SGCD: variants seen among roughly 807,000 people sequenced by gnomAD.
SGCD encodes the protein sarcoglycan delta, also known as delta-sarcoglycan.
In SGCD, 18 loss-of-function variants were observed where a neutral mutation model predicts 36.6. The ratio of observed to expected loss-of-function variants is 0.49; its 90% CI spans 0.34 to 0.73. SGCD has a LOEUF of 0.73. SGCD is among the 30% of genes least tolerant of loss of function. The probability of loss-of-function intolerance (pLI) is 0.01; values close to 1 mark genes in which losing one functional copy is unlikely to be tolerated. For synonymous variants in SGCD, 133 were observed against 130.6 expected (o/e 1.02, Z -0.12); for missense variants, 387 against 346.7 (o/e 1.12, Z -0.92).
chr5:156,602,865 G>A (rs2113419901), intron 6 of SGCD, among the ~76,000 whole-genome samples: 1 of 152,148 alleles, frequency 6.6e-6, no homozygotes, highest in South Asian at 2.1e-4. Context: ...GAGAAATTTT[G>A]TATCTATGTT....
chr5:156,260,319 G>A (rs1765826094), intron 3 of SGCD, among the ~76,000 whole-genome samples: 2 of 152,230 alleles, frequency 1.3e-5, no homozygotes, highest in Middle Eastern at 3.4e-3. Context: ...TTGCACCAAA[G>A]CTATATATCA....
At chr5:155,790,974 G>A in the SGCD span, among the ~76,000 whole-genome samples, 1 of 152,042 alleles carries the variant, frequency 6.6e-6, no homozygotes, top group African/African-American at 2.4e-5. Context: ...ATAGAATAAG[G>A]GTTCTGAATA....
chr5:155,976,366 CA>C (rs757156511), intron 1 of SGCD, among the ~76,000 whole-genome samples: 2 of 152,136 alleles, frequency 1.3e-5, no homozygotes, highest in South Asian at 4.1e-4. Flanking sequence ...AGACACAAAA[CA>C]AAAAACTAGA....
chr5:155,949,849 G>C (rs1239545420), intron 1 of SGCD, among the ~76,000 whole-genome samples: 1 of 152,160 alleles, frequency 6.6e-6, no homozygotes, highest in African/African-American at 2.4e-5. Context: ...ATTACTGATA[G>C]ATCATAACCC....
At chr5:156,577,921 T>C (rs1396815451) in intron 4 of SGCD, among the ~76,000 whole-genome samples, 1 of 152,204 alleles carries the variant, frequency 6.6e-6, no homozygotes, top group Non-Finnish European at 1.5e-5. Flanking sequence ...TTTCTCTTCC[T>C]GATTGCCCTG....
chr5:156,696,946 AC>A (rs1443110051), intron 7 of SGCD, among the ~76,000 whole-genome samples: 3 of 150,834 alleles, frequency 2.0e-5, no homozygotes, highest in Admixed American at 6.6e-5. Context: ...ACACACACAC[AC>A]ACACACACAC....
chr5:156,523,539 C>T (rs1757499961), intron 4 of SGCD, among the ~76,000 whole-genome samples: 1 of 152,118 alleles, frequency 6.6e-6, no homozygotes, highest in Admixed American at 6.5e-5. Flanking sequence ...CAAACTGAAT[C>T]CAGGTCACAG....
intron 1 of SGCD, among the ~76,000 whole-genome samples, chr5:155,919,055 C>T (rs571561530): frequency 2.6e-5 from 4 of 152,294 alleles, no homozygotes; most frequent in Admixed American, 1.3e-4. Context: ...TTTTAGTTGA[C>T]TCTTATAAAA....
At chr5:156,417,099 A>G (rs944571857) in intron 3 of SGCD, among the ~76,000 whole-genome samples, 2 of 152,208 alleles carry the variant, frequency 1.3e-5, no homozygotes, top group Non-Finnish European at 2.9e-5. Context: ...ATCTCATTTT[A>G]GAGAAAAAAA....
At chr5:155,980,523 G>A (rs1758204882) in intron 1 of SGCD, among the ~76,000 whole-genome samples, 1 of 139,536 alleles carries the variant, frequency 7.2e-6, no homozygotes, top group Admixed American at 7.8e-5. Context: ...GAGAGGCAGA[G>A]CTTGCAGTGA....
chr5:155,746,510 C>T, the SGCD span, among the ~76,000 whole-genome samples: 1 of 152,098 alleles, frequency 6.6e-6, no homozygotes, highest in Non-Finnish European at 1.5e-5. Flanking sequence ...GCAGGCTGCT[C>T]AAAAGAGAAT....
chr5:156,242,813 A>T (rs1339629668), intron 3 of SGCD, among the ~76,000 whole-genome samples: 2 of 152,304 alleles, frequency 1.3e-5, no homozygotes, highest in East Asian at 3.9e-4. Flanking sequence ...GCCTGAGATG[A>T]TGAGAAAGAA....
chr5:156,121,311 G>A lies in SGCD; in HGVS notation c.-207-2545G>A, dbSNP rs138816617. On this transcript the variant is annotated intron_variant, in intron 2 of 9. Coordinates refer to the SGCD transcript ENST00000517913. ...GTACAGTAATGAATGATTTACCTAT[G>A]ACTTCATTTCTTTTGCATAAACATC... 1.9e-3 allele frequency among the ~76,000 whole-genome samples: 289 copies of A among 152,236 alleles called. 1 individual carries two copies. Among genetic ancestry groups the A allele is most frequent in the African/African-American group, 6.6e-3 (273 of 41,554 alleles).
chr5:155,839,181 A>G, the SGCD span, among the ~76,000 whole-genome samples: 2 of 152,216 alleles, frequency 1.3e-5, no homozygotes, highest in Non-Finnish European at 2.9e-5. Flanking sequence ...TTATGCATAC[A>G]TTTCTGGCTG....
At chr5:155,860,164 C>T in the SGCD span, among the ~76,000 whole-genome samples, 1 of 152,226 alleles carries the variant, frequency 6.6e-6, no homozygotes, top group South Asian at 2.1e-4. Flanking sequence ...TGTTTTTCTT[C>T]TCCCTTCTAC....
chr5:156,656,019 G>A (rs1330689027), intron 7 of SGCD, among the ~76,000 whole-genome samples: 2 of 152,072 alleles, frequency 1.3e-5, no homozygotes, highest in Non-Finnish European at 2.9e-5. Context: ...TACGAGAATA[G>A]GAAGTAGACG....
At chr5:155,794,076 A>G in the SGCD span, among the ~76,000 whole-genome samples, 1 of 152,190 alleles carries the variant, frequency 6.6e-6, no homozygotes, top group African/African-American at 2.4e-5. Context: ...AGCATGGTGA[A>G]GAGAGTAGAT....
At position 156,445,786 on chromosome 5, in the gene SGCD, C is replaced by T. The variant is rs202169382; in HGVS notation, c.193-62815C>T. ...AAGCAATTGTGATGCATAGTGATAA[C>T]CCCAAAATATCACACACACACACAC... On this transcript the variant is annotated intron_variant, in intron 3 of 8. Transcript: ENST00000337851. Among the ~76,000 whole-genome samples the T allele has an allele frequency of 2.6e-5, 4 of 152,096 alleles. No individual in the cohort carries two copies. In the East Asian group the frequency reaches 7.7e-4, roughly 29 times the overall value.
rs547269651 is a variant in SGCD, at chr5:156,713,842, C to T, written c.576-43739C>T. Among the ~76,000 whole-genome samples, 11 of 152,298 alleles carry T rather than the reference C, an allele frequency of 7.2e-5. No individual in the cohort carries two copies. The South Asian group carries it at 1.9e-3, about 26-fold the overall frequency. ...ATTTTCCCAACTAAACAAGGAGTTA[C>T]GTATTACACAGTGGCCTTGCCTTTG... On this transcript the variant is annotated intron_variant, in intron 7 of 8. Coordinates refer to ENST00000337851, the MANE Select transcript of SGCD (RefSeq NM_000337.6).
Sources: gnomAD v4.1 joint callset for allele counts (sites outside exome capture counted in the v4.1 genomes callset) on GRCh38, gnomAD v4.1.1 for gene constraint, MANE v1.5 for transcripts, NCBI Gene and HGNC (gene_info 2026-07-23, HGNC 2026-07-21) for gene names.